Variants in TRPM5 observed in about 807,000 individuals in gnomAD.
The protein encoded by TRPM5 is MLSN1 and TRP-related.
In TRPM5, 121 loss-of-function variants were observed where a neutral mutation model predicts 124.9. That is an observed-to-expected ratio of 0.97 (90% CI 0.84 to 1.13). The LOEUF is 1.13. Among genes scored for constraint, TRPM5 ranks in the 50% most tolerant of loss-of-function variants. The pLI is 0.00. For synonymous variants in TRPM5, 781 were observed against 700.5 expected, an observed-to-expected ratio of 1.11 and a Z score of -1.81; for missense variants, 1,643 against 1,589.1, an observed-to-expected ratio of 1.03 and a Z score of -0.58.
chr11:2,441,749 G>C, the TRPM5 span, among the ~76,000 whole-genome samples: 9 of 152,026 alleles, frequency 5.9e-5, no homozygotes, highest in Admixed American at 5.9e-4. The surrounding 1 kb of genome is among the most constrained non-coding windows in gnomAD (Gnocchi z 7.2). Flanking sequence ...GAGTGCAGTG[G>C]TGCGATCTCA....
At chr11:2,418,558 A>G in exon 5 of TRPM5, 1 of 1,611,952 alleles carries the variant, frequency 6.2e-7, no homozygotes, top group Non-Finnish European at 8.5e-7. Context: ...ATTGACCAGC[A>G]AGCAGAGGAC....
At chr11:2,426,164 C>T (rs992401077), upstream of TRPM5, among the ~76,000 whole-genome samples, 2 of 152,114 alleles carry the variant, frequency 1.3e-5, no homozygotes, top group Non-Finnish European at 2.9e-5. Flanking sequence ...GCCCACAGCA[C>T]CTCCTTCCTC....
intron 18 of TRPM5, 122 bp from the exon 24 acceptor site, chr11:2,408,034 G>T: frequency 7.7e-7 from 1 of 1,305,958 alleles, no homozygotes; most frequent in Non-Finnish European, 1.0e-6. Flanking sequence ...GTGCTGGTTG[G>T]GTGACCCACT....
intron 2 of TRPM5, among the ~76,000 whole-genome samples, chr11:2,421,472 CA>C (rs1201939452): frequency 1.3e-5 from 2 of 152,212 alleles, no homozygotes; most frequent in African/African-American, 4.8e-5. Context: ...CCAGTCCCCC[CA>C]CCGTGCTCCC....
At chr11:2,437,888 G>T in the TRPM5 span, among the ~76,000 whole-genome samples, 1 of 152,110 alleles carries the variant, frequency 6.6e-6, no homozygotes, top group African/African-American at 2.4e-5. This position sits in a 1 kb window ranked among gnomAD's most constrained non-coding sequence, Gnocchi z 5.6. Flanking sequence ...CCGCCTGTGG[G>T]GTTAGGATCA....
rs191574182 is a variant in TRPM5, at chr11:2,418,630, C to T, written c.650-39G>A. 9 of 1,582,480 alleles carry T rather than the reference C, an allele frequency of 5.7e-6. No individual in the cohort carries two copies. In the East Asian group the frequency reaches 1.8e-4, roughly 32 times the overall value. On this transcript the variant is annotated intron_variant, in intron 4 of 23. Transcript: ENST00000155858. ...ACCCGTGAGGCCTGAGGACCCTCCG[C>T]CTGGGGTGACCACCCGGATCTCAGG... is the stretch of plus-strand genomic sequence containing the variant.
At chr11:2,430,840 T>G in the TRPM5 span, among the ~76,000 whole-genome samples, 1 of 142,462 alleles carries the variant, frequency 7.0e-6, no homozygotes, top group Non-Finnish European at 1.5e-5. Context: ...GTGGTGGTGG[T>G]TTTGGTGGTG....
intron 18 of TRPM5, 147 bp from the exon 24 acceptor site, chr11:2,408,059 AG>A: frequency 1.8e-6 from 2 of 1,104,132 alleles, no homozygotes; most frequent in Non-Finnish European, 2.5e-6. Flanking sequence ...CAGTTCACCC[AG>A]GGCGGCCTGG....
intron 21 of TRPM5, 167 bp from the exon 27 acceptor site, chr11:2,406,258 G>T: frequency 1.4e-6 from 1 of 721,912 alleles, no homozygotes; most frequent in Non-Finnish European, 2.4e-6. Flanking sequence ...CCCTCAAAGT[G>T]CACCTGGTGC....
the TRPM5 span, among the ~76,000 whole-genome samples, chr11:2,430,745 G>GGTGGTT: frequency 7.4e-6 from 1 of 135,040 alleles, no homozygotes; most frequent in South Asian, 2.4e-4. Context: ...TGGTGATGGT[G>GGTGGTT]TTGGTGGTGG....
chr11:2,434,328 G>A, the TRPM5 span, among the ~76,000 whole-genome samples: 1 of 151,726 alleles, frequency 6.6e-6, no homozygotes, highest in South Asian at 2.1e-4. Context: ...CACTGTGTGT[G>A]CAAATGCTGT....
chr11:2,415,576 C>G, intron 8 of TRPM5, 105 bp from the exon 14 acceptor site: 2 of 801,448 alleles, frequency 2.5e-6, no homozygotes, highest in Non-Finnish European at 3.9e-6. Context: ...GGATCCATCC[C>G]CAGGGCCAGG....
Position 2,412,972 on chromosome 11 carries a change from G to A in TRPM5, c.2137C>T (p.Arg713Ter), listed in dbSNP as rs146068820. Residue 713 changes from arginine to a stop codon, truncating the protein, a stop_gained, in exon 15 of 24, where the codon CGA (arginine) becomes TGA (stop). Transcript: ENST00000155858. LOFTEE classifies it high-confidence loss of function. ...AGCAGGAAGACAGCACGTGGGCCTC[G>A]GTCACCCTGAGCCCTCGGCGCCTCC... The A allele has an allele frequency of 6.2e-6, 10 of 1,605,900 alleles. No individual in the cohort carries two copies. The African/African-American group carries it at 1.1e-4, about 17-fold the overall frequency.
At chr11:2,416,161 G>T (rs73415589) in intron 7 of TRPM5, 137 bp from the exon 13 acceptor site, 4 of 616,676 alleles carry the variant, frequency 6.5e-6, no homozygotes, top group Non-Finnish European at 1.2e-5. Context: ...GGGCACATGC[G>T]CCACCTCTGA....
chr11:2,407,353 G>A, intron 19 of TRPM5, 53 bp from the exon 25 acceptor site: 1 of 1,540,134 alleles, frequency 6.5e-7, no homozygotes, highest in Non-Finnish European at 8.8e-7. Context: ...ACCACTTGGG[G>A]GACGCATCCC....
chr11:2,414,009 G>GGGCCCCCCCCCCCCCCCCCCCCCCC, intron 12 of TRPM5, 52 bp downstream of exon 17: 8 of 1,023,722 alleles, frequency 7.8e-6, no homozygotes, highest in Non-Finnish European at 7.2e-6. Flanking sequence ...GGCCCAGCTC[G>GGGCCCCCCCCCCCCCCCCCCCCCCC]CCCGCCCACC....
At chr11:2,430,739 GA>G in the TRPM5 span, among the ~76,000 whole-genome samples, 6,931 of 129,560 alleles carry the variant, frequency 0.053, 239 homozygotes, top group Middle Eastern at 0.11. Context: ...CGGTGATGGT[GA>G]TGGTGTTGGT....
intron 16 of TRPM5, 29 bp from the exon 22 acceptor site, chr11:2,411,796 G>T (rs780267375): frequency 1.2e-6 from 2 of 1,610,986 alleles, no homozygotes; most frequent in Admixed American, 3.3e-5. Flanking sequence ...ATGCGGCTGC[G>T]GGGCCCAGAG....
intron 16 of TRPM5, 71 bp downstream of exon 21, chr11:2,412,064 C>A (rs1850464240): frequency 4.4e-6 from 6 of 1,350,340 alleles, no homozygotes; most frequent in African/African-American, 2.9e-5. Context: ...CCACACCCAA[C>A]CTGAGTGGCT....
Sources: gnomAD v4.1 joint callset for allele counts (sites outside exome capture counted in the v4.1 genomes callset) on GRCh38, gnomAD v4.1.1 for gene constraint, Gnocchi (gnomAD v3.1) non-coding constraint, MANE v1.5 for transcripts, NCBI Gene and HGNC (gene_info 2026-07-23, HGNC 2026-07-21) for gene names.